Variants in ACYP2 observed in about 807,000 individuals in gnomAD.
ACYP2 encodes the protein acylphosphatase-2.
ACYP2 carries 12 observed loss-of-function variants against 11.2 expected under a neutral mutation model. The ratio of observed to expected loss-of-function variants is 1.08; its 90% confidence interval spans 0.69 to 1.74. The LOEUF is 1.74. Ranked by LOEUF, ACYP2 falls within the 40% of genes most tolerant of loss-of-function variation. The pLI is 0.00. For missense variants in ACYP2, 134 were observed against 101.9 expected (o/e 1.31, Z -1.35); for synonymous variants, 43 against 32.2 (o/e 1.33, Z -1.13).
chr2:54,218,966 AT>A (rs1005443484), intron 6 of ACYP2, among the ~76,000 whole-genome samples: 7 of 151,598 alleles, frequency 4.6e-5, no homozygotes, highest in Non-Finnish European at 1.0e-4. Context: ...TTAAATTGGG[AT>A]TTTTTTTTGG....
chr2:54,201,680 TTCTCTCTC>T (rs60167120), intron 6 of ACYP2, among the ~76,000 whole-genome samples: 1 of 107,294 alleles, frequency 9.3e-6, no homozygotes, highest in African/African-American at 3.7e-5. Context: ...CTTTCTTTCT[TTCTCTCTC>T]TCTCTCTCTC....
At chr2:54,185,468 A>T (rs942308613) in intron 6 of ACYP2, among the ~76,000 whole-genome samples, 2 of 152,204 alleles carry the variant, frequency 1.3e-5, no homozygotes, top group African/African-American at 4.8e-5. Flanking sequence ...TATCAATGCC[A>T]ACAAATCTCT....
intron 6 of ACYP2, among the ~76,000 whole-genome samples, chr2:54,235,224 G>C (rs1167255918): frequency 6.6e-6 from 1 of 151,986 alleles, no homozygotes; most frequent in East Asian, 1.9e-4. Context: ...CTGAGGATGG[G>C]GAGAATGTTT....
chr2:54,151,564 G>A (rs1682172481), intron 6 of ACYP2, among the ~76,000 whole-genome samples: 1 of 152,172 alleles, frequency 6.6e-6, no homozygotes, highest in Admixed American at 6.6e-5. Flanking sequence ...TCACTGAGGA[G>A]CTGTAATTTT....
chr2:54,231,626 T>C (rs1686240902), intron 6 of ACYP2, among the ~76,000 whole-genome samples: 1 of 152,228 alleles, frequency 6.6e-6, no homozygotes, highest in Non-Finnish European at 1.5e-5. Flanking sequence ...ATCGAATTTG[T>C]ATCATCCTTA....
intron 6 of ACYP2, among the ~76,000 whole-genome samples, chr2:54,277,910 T>C (rs1208368785): frequency 1.3e-5 from 2 of 152,234 alleles, no homozygotes; most frequent in Admixed American, 6.5e-5. Context: ...GTTTCAAATG[T>C]ACCCAAAAAG....
chr2:54,113,242 T>C (rs907419695), intron 4 of ACYP2, among the ~76,000 whole-genome samples: 7 of 69,886 alleles, frequency 1.0e-4, no homozygotes, highest in Non-Finnish European at 1.7e-4. Flanking sequence ...AGAGATGACT[T>C]TTTTTTTTTT....
At chr2:54,010,200 C>G (rs1673283152) in intron 2 of ACYP2, among the ~76,000 whole-genome samples, 1 of 152,202 alleles carries the variant, frequency 6.6e-6, no homozygotes, top group Non-Finnish European at 1.5e-5. Flanking sequence ...AAGTCATGAA[C>G]TGGCCAGGCG....
intron 2 of ACYP2, among the ~76,000 whole-genome samples, chr2:53,977,430 A>G (rs562560037): frequency 2.1e-4 from 32 of 152,126 alleles, no homozygotes; most frequent in Non-Finnish European, 3.4e-4. Flanking sequence ...TTCAACTTCT[A>G]TCCCTGGGTA....
intron 4 of ACYP2, among the ~76,000 whole-genome samples, chr2:54,110,976 G>A (rs1259223123): frequency 1.3e-5 from 2 of 152,082 alleles, no homozygotes; most frequent in Admixed American, 1.3e-4. Context: ...GTAGGGCAGA[G>A]ATATGAGCCT....
chr2:54,287,152 T>C (rs933861247), intron 6 of ACYP2, among the ~76,000 whole-genome samples: 2 of 151,976 alleles, frequency 1.3e-5, no homozygotes, highest in African/African-American at 4.9e-5. Flanking sequence ...AAGATCAAAG[T>C]GCTGGCAAGT....
At chr2:54,052,828 A>G (rs1675939506) in intron 3 of ACYP2, among the ~76,000 whole-genome samples, 1 of 152,228 alleles carries the variant, frequency 6.6e-6, no homozygotes. Flanking sequence ...CATGAGGACA[A>G]GATACACTCT....
In ACYP2 at chr2:54,014,061, G is replaced by A. The variant is rs1321258730; in HGVS notation, c.63-36897G>A. 2.0e-5 allele frequency among the ~76,000 whole-genome samples: 3 copies of A among 152,194 alleles called. No individual in the cohort carries two copies. In the East Asian group the frequency reaches 5.8e-4, roughly 29 times the overall value. ...TAATCCCAGATACCCAGGAGGCTGA[G>A]GCAGGGGAATCGCTTGAACCTGGGA... On this transcript the variant is annotated intron_variant, in intron 2 of 6. Coordinates refer to ENST00000607452, the MANE Select transcript of ACYP2 (RefSeq NM_001320586.2).
At chr2:54,265,399 T>C (rs1397544760) in intron 6 of ACYP2, among the ~76,000 whole-genome samples, 2 of 152,176 alleles carry the variant, frequency 1.3e-5, no homozygotes, top group East Asian at 3.8e-4. Flanking sequence ...CCCACCCCCA[T>C]GATTCAGTGA....
intron 6 of ACYP2, among the ~76,000 whole-genome samples, chr2:54,161,997 C>G (rs1682733335): frequency 6.6e-6 from 1 of 152,046 alleles, no homozygotes; most frequent in African/African-American, 2.4e-5. Context: ...CTCAACATTT[C>G]TCAGCTCTCC....
intron 2 of ACYP2, among the ~76,000 whole-genome samples, chr2:54,006,864 C>A (rs922958708): frequency 1.3e-5 from 2 of 151,988 alleles, no homozygotes; most frequent in Non-Finnish European, 2.9e-5. Context: ...GTGGCTCACA[C>A]CTGTAATCCC....
At chr2:54,160,978 C>A (rs1178805933) in intron 6 of ACYP2, among the ~76,000 whole-genome samples, 1 of 152,172 alleles carries the variant, frequency 6.6e-6, no homozygotes, top group East Asian at 1.9e-4. Context: ...GAACAATGAT[C>A]TCAAAGTAGG....
At chr2:54,223,248 G>A (rs931849290) in intron 6 of ACYP2, among the ~76,000 whole-genome samples, 1 of 152,126 alleles carries the variant, frequency 6.6e-6, no homozygotes, top group African/African-American at 2.4e-5. Context: ...TGACAATTTT[G>A]TTCAACTAAC....
At chr2:54,144,544 C>G (rs974212338) in intron 6 of ACYP2, among the ~76,000 whole-genome samples, 1 of 151,882 alleles carries the variant, frequency 6.6e-6, no homozygotes, top group South Asian at 2.1e-4. Flanking sequence ...CGTGGTGGTA[C>G]ACACCTGTAA....
Sources: allele counts gnomAD v4.1 joint callset (sites outside exome capture counted in the v4.1 genomes callset), GRCh38; gene constraint gnomAD v4.1.1; transcripts MANE v1.5; gene names NCBI Gene and HGNC (gene_info 2026-07-23, HGNC 2026-07-21).